NDUFAF1: variants seen among roughly 807,000 people sequenced by gnomAD.
The protein encoded by NDUFAF1 is complex I intermediate-associated protein 30, mitochondrial.
NDUFAF1 carries 18 observed loss-of-function variants against 28.7 expected under a neutral mutation model. The ratio of observed to expected loss-of-function variants is 0.63; its 90% CI spans 0.43 to 0.93. The LOEUF (loss-of-function observed/expected upper bound fraction) is 0.93. Ranked by LOEUF, NDUFAF1 falls within the 40% of genes least tolerant of loss-of-function variation. NDUFAF1 has a pLI of 0.00. For synonymous variants in NDUFAF1, 113 were observed against 139.7 expected, an observed-to-expected ratio of 0.81 and a Z score of 1.35; for missense variants, 404 against 398.3, an observed-to-expected ratio of 1.01 and a Z score of -0.12.
chr15:41,392,538 T>C (rs2140913978), intron 3 of NDUFAF1, among the ~76,000 whole-genome samples: 1 of 152,278 alleles, frequency 6.6e-6, no homozygotes, highest in Admixed American at 6.5e-5. Flanking sequence ...CATACTGTTC[T>C]AGTGACAGTG....
At chr15:41,399,896 G>A (rs1204423433) in intron 1 of NDUFAF1, among the ~76,000 whole-genome samples, 1 of 148,340 alleles carries the variant, frequency 6.7e-6, no homozygotes, top group Non-Finnish European at 1.5e-5. Flanking sequence ...AAAATTAGCT[G>A]GGTGTGGTGA....
Position 41,402,219 on chromosome 15 carries a change from A to G in NDUFAF1, c.-157T>C. The G allele has an allele frequency of 2.2e-6, 1 of 454,110 alleles. No individual in the cohort carries two copies. Among genetic ancestry groups the G allele is most frequent in the Non-Finnish European group, 4.4e-6 (1 of 226,776 alleles). The allele number at this position is 454,110 out of a possible 1,614,324, so 28.1% of individuals were successfully genotyped here. ...TGAGAGAGGTACTATTATTATTTCA[A>G]TTATAGAGACGAAGAAACTGACGTT... On this transcript the variant is annotated 5_prime_UTR_variant, in exon 1 of 5. Coordinates refer to ENST00000260361, the MANE Select transcript of NDUFAF1 (RefSeq NM_016013.4).
chr15:41,394,242 C>T (rs776239254), intron 3 of NDUFAF1: 2 of 564,548 alleles, frequency 3.5e-6, no homozygotes, highest in South Asian at 3.0e-5. Context: ...CCATGTTGGT[C>T]AGGCTGGTGT....
intron 3 of NDUFAF1, among the ~76,000 whole-genome samples, chr15:41,391,607 TAA>T (rs534238039): frequency 1.3e-4 from 16 of 127,754 alleles, no homozygotes; most frequent in Admixed American, 1.6e-4. Flanking sequence ...GACTCCATCT[TAA>T]AAAAAAAAAA....
rs1320494446 is a variant in NDUFAF1, at chr15:41,391,890, A to G, written c.759+2969T>C. 2.0e-5 allele frequency among the ~76,000 whole-genome samples: 3 copies of G among 152,006 alleles called. No homozygotes were observed. The East Asian group carries it at 5.8e-4, about 29-fold the overall frequency. ...CAGAGCATTACAGCAGAGCAACACT[A>G]AGTGCAAAGCTCTGAGATGGAAATG... On this transcript the variant is annotated intron_variant, in intron 3 of 4. Transcript: ENST00000260361.
Position 41,389,069 on chromosome 15 carries a change from A to G in NDUFAF1, c.760-547T>C, listed in dbSNP as rs183300644. 3.6e-4 allele frequency among the ~76,000 whole-genome samples: 55 copies of G among 151,872 alleles called. No individual in the cohort carries two copies. The East Asian group carries it at 8.9e-3, about 25-fold the overall frequency. ...TTATTAAGCACGATCTTTTAAAACTATATCTGGCTTTAATTGTTTGTGTTT... is the reference window on the plus strand; with the variant it reads ...TTATTAAGCACGATCTTTTAAAACTGTATCTGGCTTTAATTGTTTGTGTTT... On this transcript the variant is annotated intron_variant, in intron 3 of 4. Coordinates refer to ENST00000260361, the MANE Select transcript of NDUFAF1 (RefSeq NM_016013.4).
rs529128884 is a variant in NDUFAF1, at chr15:41,401,968, CT to C, written c.-82+175del. 3.5e-3 allele frequency among the ~76,000 whole-genome samples: 529 copies of C among 152,140 alleles called. 3 individuals are homozygous for C. Among genetic ancestry groups the C allele is most frequent in the African/African-American group, 0.012 (502 of 41,526 alleles). On this transcript the variant is annotated intron_variant, in intron 1 of 4. Coordinates refer to ENST00000260361, the MANE Select transcript of NDUFAF1 (RefSeq NM_016013.4). ...TTCCAAACCCTCCGTAGTGTTACTT[CT>C]CTAATAATATAACTTTAATTATAAA... is the stretch of plus-strand genomic sequence containing the variant.
At chr15:41,396,045 G>A (rs1396886146) in intron 2 of NDUFAF1, among the ~76,000 whole-genome samples, 7 of 150,834 alleles carry the variant, frequency 4.6e-5, no homozygotes, top group African/African-American at 1.2e-4. Context: ...CCGAGATCAC[G>A]CCACTGCACT....
At chr15:41,387,672 C>T (rs1256451246) in intron 4 of NDUFAF1, 79 bp from the exon 5 acceptor site, 3 of 1,249,666 alleles carry the variant, frequency 2.4e-6, no homozygotes, top group Non-Finnish European at 3.5e-6. Context: ...AAAATCCCAT[C>T]AGGTGATGAT....
At chr15:41,388,677 C>G (rs909401064) in intron 3 of NDUFAF1, among the ~76,000 whole-genome samples, 155 bp from the exon 4 acceptor site, 6 of 151,632 alleles carry the variant, frequency 4.0e-5, no homozygotes, top group African/African-American at 1.5e-4. Context: ...AGATATAACT[C>G]AGGCCAAACG....
At chr15:41,398,377 G>A (rs2050419326) in intron 1 of NDUFAF1, among the ~76,000 whole-genome samples, 1 of 151,118 alleles carries the variant, frequency 6.6e-6, no homozygotes, top group Admixed American at 6.6e-5. Context: ...CCAGCTACTA[G>A]GGAGCCTTAA....
At chr15:41,399,125 G>C (rs1332073215) in intron 1 of NDUFAF1, among the ~76,000 whole-genome samples, 1 of 152,106 alleles carries the variant, frequency 6.6e-6, no homozygotes, top group South Asian at 2.1e-4. Flanking sequence ...AATTGGCCTG[G>C]CACGGTGGCT....
Position 41,388,460 on chromosome 15 carries a change from AAGCTCAT to A in NDUFAF1, c.815_821del (p.His272LeufsTer9), listed in dbSNP as rs1566820464. 2.5e-6 allele frequency: 4 copies of A among 1,611,722 alleles called. No individual in the cohort carries two copies. The highest frequency in any genetic ancestry group is 3.4e-6 in the Non-Finnish European group (4 of 1,177,828). On this transcript the variant is annotated frameshift_variant, in exon 4 of 5. Transcript: ENST00000260361. LOFTEE classifies it high-confidence loss of function. ...AGGAATATGTTACCTTATCAAGCGG[AAGCTCAT>A]GCTGAACATCCCGGATTCTTCCTCG... is the stretch of plus-strand genomic sequence containing the variant.
intron 3 of NDUFAF1, among the ~76,000 whole-genome samples, chr15:41,391,371 C>T (rs542149996): frequency 1.3e-5 from 2 of 151,986 alleles, no homozygotes; most frequent in South Asian, 4.1e-4. Flanking sequence ...CCTATAATCC[C>T]AATACCTTGG....
chr15:41,402,968 G>A (rs1419664266), upstream of NDUFAF1, among the ~76,000 whole-genome samples: 1 of 151,874 alleles, frequency 6.6e-6, no homozygotes, highest in African/African-American at 2.4e-5. Context: ...CTGACCTCGT[G>A]ATCCACCCGC....
chr15:41,396,719 T>C lies in NDUFAF1; in HGVS notation c.341A>G (p.His114Arg), dbSNP rs1009484937. 2.5e-6 allele frequency: 4 copies of C among 1,614,072 alleles called. No individual in the cohort carries two copies. The African/African-American group carries it at 4.0e-5, about 16-fold the overall frequency. ...HWRGPEGHPL[H>R]EVLLEQAKVV... is the part of the protein sequence containing the mutation. ...CTTGGCTTGTTCCAGCAAGACCTCA[T>C]GCAGAGGGTGGCCTTCCGGTCCTCT... The change falls in exon 2 of 5, where the codon CAT becomes CGT. Residue 114 changes from histidine to arginine, a missense_variant. Physicochemically the swap from His to Arg is conservative, Grantham distance 29. Coordinates refer to ENST00000260361, the MANE Select transcript of NDUFAF1 (RefSeq NM_016013.4).
intron 2 of NDUFAF1, among the ~76,000 whole-genome samples, chr15:41,395,387 T>A (rs79744709): frequency 2.6e-5 from 4 of 151,236 alleles, no homozygotes. Context: ...TTTTTTTTTT[T>A]GAGACGGAGT....
Position 41,397,386 on chromosome 15 carries a change from A to T in NDUFAF1, c.-81-246T>A, listed in dbSNP as rs1457290869. Among the ~76,000 whole-genome samples, 5 of 152,142 alleles carry T rather than the reference A, an allele frequency of 3.3e-5. No individual in the cohort carries two copies. In the East Asian group the frequency reaches 9.6e-4, roughly 29 times the overall value. The stretch of plus-strand genomic sequence containing the variant: ...CATCTCAGCCACCCAAGTAGCTGGG[A>T]TTACAAGCACACACCACCATGCCCA... On this transcript the variant is annotated intron_variant, in intron 1 of 4. Transcript: ENST00000260361.
In NDUFAF1 at chr15:41,396,967, G is replaced by A. The variant is rs1436879225; in HGVS notation, c.93C>T (p.Arg31=). 5.6e-6 allele frequency: 9 copies of A among 1,612,354 alleles called. No homozygotes were observed. The highest frequency in any genetic ancestry group is 1.7e-5 in the Admixed American group (1 of 59,560). Reference sequence around the variant, plus strand: ...GAAGACTACTGGAATACTCTGCAAAGCGAATACCCAAAAATGGATACAAGG... The same window carrying A: ...GAAGACTACTGGAATACTCTGCAAAACGAATACCCAAAAATGGATACAAGG... ...TSALYPFLGI[R]FAEYSSSLQK... The change falls in exon 2 of 5, where the codon CGC becomes CGT. Residue 31 remains arginine (R), a synonymous_variant. Coordinates refer to ENST00000260361, the MANE Select transcript of NDUFAF1 (RefSeq NM_016013.4).
Sources: allele counts gnomAD v4.1 joint callset (sites outside exome capture counted in the v4.1 genomes callset), GRCh38; gene constraint gnomAD v4.1.1; transcripts MANE v1.5; gene names NCBI Gene and HGNC (gene_info 2026-07-23, HGNC 2026-07-21).